The following CAND1 variants were observed in gnomAD, a reference collection of about 807,000 sequenced individuals.
CAND1 encodes the protein cullin associated and neddylation dissociated 1.
Under a neutral mutation model 108.5 loss-of-function variants are expected in CAND1, and 7 were observed. The ratio of observed to expected loss-of-function variants is 0.06; its 90% confidence interval spans 0.04 to 0.12. The LOEUF is 0.12. Among genes scored for constraint, CAND1 ranks in the 10% least tolerant of loss-of-function variants. The pLI is 1.00. For synonymous variants in CAND1, 534 were observed against 512.0 expected (o/e 1.04, Z -0.58); for missense variants, 941 against 1,448.7 (o/e 0.65, Z 5.69).
rs751177307 is a variant in CAND1, at chr12:67,297,576, G to A, written c.661G>A (p.Glu221Lys). 1.2e-6 allele frequency: 2 copies of A among 1,614,016 alleles called. No individual in the cohort carries two copies. The highest frequency in any genetic ancestry group is 3.3e-5 in the Admixed American group (2 of 60,016). The change falls in exon 5 of 15, where the codon GAG becomes AAG. Residue 221 changes from glutamate (E) to lysine (K), a missense_variant. Glu to Lys is a moderately conservative substitution (Grantham distance 56). This residue lies in a region of CAND1 where 697 missense variants were observed against 942.0 expected (regional missense o/e 0.74). Transcript: ENST00000545606. The stretch of plus-strand genomic sequence containing the variant: ...AGATCTTATTGAACATCTGTTGTCA[G>A]AGTTGTCCAAAAATGATTCTATGTC... ...FVDLIEHLLS[E>K]LSKNDSMSTT...
In CAND1 at chr12:67,297,791, C is replaced by A; in HGVS notation, c.792C>A (p.Cys264Ter). 1 of 1,609,418 alleles carries A rather than the reference C, an allele frequency of 6.2e-7. No homozygotes were observed. The highest frequency in any genetic ancestry group is 8.5e-7 in the Non-Finnish European group (1 of 1,176,694). Residue 264 changes from cysteine (C) to a stop codon, truncating the protein, a stop_gained, in exon 6 of 15, where the codon TGC (cysteine) becomes TGA (stop). Coordinates refer to ENST00000545606, the MANE Select transcript of CAND1 (RefSeq NM_018448.5). LOFTEE classifies it high-confidence loss of function. ...TAATTCCTTTGGTGGTAAAATTTTG[C>A]AATGTAGATGATGATGAATTAAGAG... ...EKIIPLVVKF[C>*]NVDDDELREY...
intron 7 of CAND1, 103 bp from the exon 8 acceptor site, chr12:67,302,220 G>T: frequency 9.5e-7 from 1 of 1,055,658 alleles, no homozygotes; most frequent in Non-Finnish European, 1.4e-6. Flanking sequence ...TTACCGGAAA[G>T]TTAGATTAAC....
intron 2 of CAND1, among the ~76,000 whole-genome samples, chr12:67,286,211 C>G (rs987812087): frequency 6.6e-6 from 1 of 152,074 alleles, no homozygotes; most frequent in East Asian, 1.9e-4. Context: ...GGGGTTTCAC[C>G]ATGTTAGCCA....
intron 2 of CAND1, among the ~76,000 whole-genome samples, chr12:67,290,845 G>A (rs1156408408): frequency 1.3e-5 from 2 of 152,174 alleles, no homozygotes; most frequent in Non-Finnish European, 2.9e-5. Context: ...CAGAGGGCGA[G>A]CCAGCATTAC....
chr12:67,309,194 A>G (rs1188802034), intron 11 of CAND1, among the ~76,000 whole-genome samples: 1 of 152,002 alleles, frequency 6.6e-6, no homozygotes, highest in African/African-American at 2.4e-5. Flanking sequence ...AACAAGTAAA[A>G]TGATTTGAAC....
chr12:67,295,004 A>G (rs2044755799), intron 3 of CAND1, 29 bp from the exon 4 acceptor site: 1 of 1,599,208 alleles, frequency 6.3e-7, no homozygotes, highest in Middle Eastern at 1.7e-4. Context: ...GCTTGCCTTG[A>G]AATTATTATT....
At chr12:67,310,388 T>G in intron 13 of CAND1, 72 bp downstream of exon 13, 1 of 1,088,730 alleles carries the variant, frequency 9.2e-7, no homozygotes, top group South Asian at 1.6e-5. Context: ...ACCCTTGTAA[T>G]TTACTCATGT....
intron 11 of CAND1, 51 bp from the exon 12 acceptor site, chr12:67,309,850 T>C: frequency 1.6e-6 from 2 of 1,259,260 alleles, no homozygotes; most frequent in Non-Finnish European, 2.2e-6. Context: ...TAATGTATAT[T>C]GTATTTTAAG....
Position 67,305,275 on chromosome 12 carries a change from C to T in CAND1, c.1607C>T (p.Thr536Ile). 2 of 1,614,162 alleles carry T rather than the reference C, an allele frequency of 1.2e-6. No individual in the cohort carries two copies. The highest frequency in any genetic ancestry group is 1.7e-5 in the Admixed American group (1 of 60,028). The change falls in exon 10 of 15, where the codon ACA becomes ATA. Residue 536 changes from threonine (T) to isoleucine (I), a missense_variant. By Grantham distance (89) the Thr-to-Ile change is moderately conservative. Coordinates refer to ENST00000545606, the MANE Select transcript of CAND1 (RefSeq NM_018448.5). This position sits in a 1 kb window ranked among gnomAD's most constrained non-coding sequence, Gnocchi z 4.4. Reference protein sequence around the residue: ...ACVGDPFYKITSEALLVTQQL... With the variant: ...ACVGDPFYKIISEALLVTQQL... ...GTTGGAGACCCATTTTACAAAATTA[C>T]ATCTGAAGCACTTCTTGTTACTCAA...
chr12:67,312,156 G>A (rs1222576598), intron 14 of CAND1, among the ~76,000 whole-genome samples: 11 of 110,224 alleles, frequency 1.0e-4, no homozygotes, highest in Non-Finnish European at 4.0e-5. Context: ...AATGAACCTC[G>A]AAAAATCAAG....
chr12:67,288,103 A>G (rs2044689353), intron 2 of CAND1, among the ~76,000 whole-genome samples: 2 of 147,438 alleles, frequency 1.4e-5, no homozygotes, highest in African/African-American at 2.5e-5. Context: ...AGGTCAAGGT[A>G]TTTGATAGTG....
intron 2 of CAND1, 64 bp downstream of exon 2, chr12:67,282,117 TATG>T (rs1349989558): frequency 1.6e-5 from 24 of 1,504,408 alleles, no homozygotes; most frequent in Middle Eastern, 1.7e-4. Context: ...TTAAAAACTC[TATG>T]ATAAGTAGTA....
intron 1 of CAND1, 144 bp downstream of exon 1, chr12:67,269,929 C>A (rs2044501717): frequency 3.2e-6 from 2 of 622,750 alleles, no homozygotes; most frequent in Non-Finnish European, 5.6e-6. Flanking sequence ...CCGCTGGCCT[C>A]CCGATCCCTG....
At chr12:67,273,414 T>C (rs148309035) in intron 1 of CAND1, among the ~76,000 whole-genome samples, 36 of 152,134 alleles carry the variant, frequency 2.4e-4, no homozygotes, top group African/African-American at 8.7e-4. Context: ...GGATGAACCA[T>C]GTGACACTCC....
chr12:67,276,428 T>C (rs1015456687), intron 1 of CAND1, among the ~76,000 whole-genome samples: 1 of 152,202 alleles, frequency 6.6e-6, no homozygotes, highest in African/African-American at 2.4e-5. Context: ...ACACACACTT[T>C]AGGGTATCAG....
intron 1 of CAND1, among the ~76,000 whole-genome samples, chr12:67,275,545 G>A (rs1282588451): frequency 1.3e-5 from 2 of 151,798 alleles, no homozygotes; most frequent in Non-Finnish European, 2.9e-5. Context: ...AAAAAAAACT[G>A]TTCCAACTTA....
intron 2 of CAND1, among the ~76,000 whole-genome samples, chr12:67,282,489 A>G (rs2044629219): frequency 6.6e-6 from 1 of 152,042 alleles, no homozygotes; most frequent in African/African-American, 2.4e-5. Flanking sequence ...CTCCCAGGTG[A>G]GAGTGCAGTG....
intron 2 of CAND1, among the ~76,000 whole-genome samples, chr12:67,287,671 C>T (rs1048580893): frequency 4.0e-5 from 6 of 151,852 alleles, no homozygotes; most frequent in Middle Eastern, 3.4e-3. Context: ...CCTGACTTGT[C>T]GGTTTATTAA....
At chr12:67,270,771 A>T (rs1592598889) in intron 1 of CAND1, 2 of 3,006 alleles carry the variant, frequency 6.7e-4, no homozygotes, top group Non-Finnish European at 1.2e-3. Context: ...TCTCAATCTA[A>T]AAAAAAAAAA....
Sources: allele counts gnomAD v4.1 joint callset (sites outside exome capture counted in the v4.1 genomes callset), GRCh38; gene constraint gnomAD v4.1.1; regional missense constraint gnomAD v4.1.1; non-coding constraint Gnocchi (gnomAD v3.1); transcripts MANE v1.5; gene names NCBI Gene and HGNC (gene_info 2026-07-23, HGNC 2026-07-21).